The following PRIMPOL variants were observed in gnomAD, a reference collection of about 807,000 sequenced individuals.
The protein encoded by PRIMPOL is DNA-directed primase/polymerase protein.
Under a neutral mutation model 63.6 loss-of-function variants are expected in PRIMPOL, and 54 were observed. That is an observed-to-expected ratio of 0.85 (90% CI 0.68 to 1.07). The LOEUF is 1.07. Among genes scored for constraint, PRIMPOL ranks in the 50% least tolerant of loss-of-function variants. The pLI is 0.00. For missense variants in PRIMPOL, 610 were observed against 648.3 expected, an observed-to-expected ratio of 0.94 and a Z score of 0.64; for synonymous variants, 197 against 220.2, an observed-to-expected ratio of 0.89 and a Z score of 0.93.
intron 4 of PRIMPOL, among the ~76,000 whole-genome samples, chr4:184,659,993 A>T (rs1424548736): frequency 6.9e-6 from 1 of 144,786 alleles, no homozygotes; most frequent in Non-Finnish European, 1.5e-5. Flanking sequence ...GCTCATTTTT[A>T]TGTTTTTAGT....
At chr4:184,688,720 T>G (rs1322725288) in intron 11 of PRIMPOL, among the ~76,000 whole-genome samples, 1 of 152,230 alleles carries the variant, frequency 6.6e-6, no homozygotes, top group Non-Finnish European at 1.5e-5. Flanking sequence ...CATAATGCAT[T>G]GATTCTAGAC....
rs775082409 is a variant in PRIMPOL, at chr4:184,672,196, C to T, written c.580C>T (p.Gln194Ter). The T allele has an allele frequency of 1.2e-6, 2 of 1,602,506 alleles. No individual in the cohort carries two copies. The highest frequency in any genetic ancestry group is 1.4e-5 in the African/African-American group (1 of 74,034). The change falls in exon 7 of 14, where the codon CAG (glutamine) becomes TAG (stop). Residue 194 changes from glutamine to a stop codon, truncating the protein, a stop_gained. Transcript: ENST00000314970. LOFTEE classifies it high-confidence loss of function. ...AGGTAATTTTTTGAGAAAAATTTTG[C>T]AGCCTGCTCTTGACTTGCTTGGCAG... ...HVGNFLRKIL[Q>*]PALDLLGSED...
At chr4:184,675,842 A>C (rs925150578) in intron 7 of PRIMPOL, among the ~76,000 whole-genome samples, 7 of 152,068 alleles carry the variant, frequency 4.6e-5, no homozygotes, top group Non-Finnish European at 1.0e-4. Context: ...AACAAACAAA[A>C]AAACTCACAT....
intron 2 of PRIMPOL, among the ~76,000 whole-genome samples, chr4:184,653,892 C>T (rs942504359): frequency 2.6e-5 from 4 of 152,210 alleles, no homozygotes; most frequent in Admixed American, 2.6e-4. Context: ...TTCTCCATTT[C>T]CTTTGCTTTT....
chr4:184,654,806 T>A (rs992875554), intron 2 of PRIMPOL, among the ~76,000 whole-genome samples: 1 of 152,138 alleles, frequency 6.6e-6, no homozygotes, highest in Non-Finnish European at 1.5e-5. Context: ...ATTGATATTT[T>A]CCCTAAGCAT....
intron 6 of PRIMPOL, among the ~76,000 whole-genome samples, chr4:184,670,711 C>T (rs772183652): frequency 6.6e-6 from 1 of 152,128 alleles, no homozygotes; most frequent in Non-Finnish European, 1.5e-5. Flanking sequence ...CCACACCTGG[C>T]TAATTTTTGT....
At chr4:184,671,190 C>T (rs947759271) in intron 6 of PRIMPOL, among the ~76,000 whole-genome samples, 7 of 152,112 alleles carry the variant, frequency 4.6e-5, no homozygotes, top group Non-Finnish European at 1.0e-4. Flanking sequence ...GTAAATGTAT[C>T]GAATTGCTTT....
At chr4:184,665,080 T>C (rs1439184487) in intron 5 of PRIMPOL, among the ~76,000 whole-genome samples, 6 of 152,204 alleles carry the variant, frequency 3.9e-5, no homozygotes, top group Non-Finnish European at 7.3e-5. Flanking sequence ...CAAGATAATA[T>C]TGCATGGTAG....
rs1341946694 is a variant in PRIMPOL at position 184,657,093 on chromosome 4, A to G, written c.-48A>G. On this transcript the variant is annotated 5_prime_UTR_variant, in exon 3 of 14. The change creates a new upstream start codon in the 5' untranslated region. Transcript: ENST00000314970. ...GTTGTTTGTTTTAGTAGTAATTGAT[A>G]GAAATATTACGTGGGATAGGATTTA... is the stretch of plus-strand genomic sequence containing the variant. 1.5e-6 allele frequency: 2 copies of G among 1,338,376 alleles called. No homozygotes were observed. Among genetic ancestry groups the G allele is most frequent in the South Asian group, 1.8e-5 (1 of 55,876 alleles). 82.9% of individuals were successfully genotyped at this position (1,338,376 alleles called of 1,614,324 possible). A position where few individuals can be genotyped will look rare whatever the true frequency, so the allele number is the denominator to read the frequency against.
intron 2 of PRIMPOL, among the ~76,000 whole-genome samples, chr4:184,654,743 C>T (rs569889808): frequency 4.6e-5 from 7 of 152,174 alleles, no homozygotes; most frequent in South Asian, 2.1e-4. Flanking sequence ...TGAGCCACCG[C>T]GCCCGGCTGA....
At chr4:184,675,810 CAG>C (rs2150108514) in intron 7 of PRIMPOL, among the ~76,000 whole-genome samples, 1 of 152,226 alleles carries the variant, frequency 6.6e-6, no homozygotes, top group Admixed American at 6.5e-5. Flanking sequence ...GAGTAAGACT[CAG>C]TATCAAAAAC....
intron 11 of PRIMPOL, among the ~76,000 whole-genome samples, chr4:184,689,699 CCA>C (rs1757981459): frequency 6.6e-6 from 1 of 151,958 alleles, no homozygotes; most frequent in African/African-American, 2.4e-5. Flanking sequence ...TGTGATCCAC[CCA>C]CCTCGGCCTC....
chr4:184,690,505 G>T (rs1758226484), intron 11 of PRIMPOL, among the ~76,000 whole-genome samples: 1 of 152,002 alleles, frequency 6.6e-6, no homozygotes, highest in South Asian at 2.1e-4. Context: ...TGTCACCCGG[G>T]CTGGAGAGCA....
At position 184,685,457 on chromosome 4, in the gene PRIMPOL, A is replaced by AT; in HGVS notation, c.1149dup (p.Val384CysfsTer7). 2 of 1,613,332 alleles carry AT rather than the reference A, an allele frequency of 1.2e-6. No individual in the cohort carries two copies. The highest frequency in any genetic ancestry group is 1.7e-6 in the Non-Finnish European group (2 of 1,179,334). On this transcript the variant is annotated frameshift_variant, in exon 10 of 14. Transcript: ENST00000314970. LOFTEE classifies it high-confidence loss of function. ...TGTTCTCCCTATCCTGAAGTTGATCATTTTGTTCTTTCTTTGGTGAATAAA... is the reference window on the plus strand; with the variant it reads ...TGTTCTCCCTATCCTGAAGTTGATCATTTTTGTTCTTTCTTTGGTGAATAAA...
chr4:184,653,377 A>C (rs1365443509), intron 2 of PRIMPOL, among the ~76,000 whole-genome samples: 2 of 152,202 alleles, frequency 1.3e-5, no homozygotes, highest in Non-Finnish European at 1.5e-5. Flanking sequence ...CTCGAAAAGA[A>C]CTAACATAGC....
At chr4:184,682,892 A>C (rs1756019627) in intron 9 of PRIMPOL, among the ~76,000 whole-genome samples, 1 of 151,834 alleles carries the variant, frequency 6.6e-6, no homozygotes, top group African/African-American at 2.4e-5. Context: ...TCTACAAAAA[A>C]TCCAAAAATT....
Position 184,661,897 on chromosome 4 carries a change from C to A in PRIMPOL, c.402C>A (p.Leu134=). The A allele has an allele frequency of 6.2e-7, 1 of 1,610,090 alleles. No individual in the cohort carries two copies. Among genetic ancestry groups the A allele is most frequent in the South Asian group, 1.1e-5 (1 of 90,362 alleles). Residue 134 remains leucine (L), a synonymous_variant, in exon 5 of 14, where the codon CTC becomes CTA. Coordinates refer to ENST00000314970, the MANE Select transcript of PRIMPOL (RefSeq NM_152683.4). ...ATGGGAAAAAGATGGTTGCATTACT[C>A]ATTGAGGTAAATGGCCAACTCAAGT... ...GADGKKMVAL[L]IEYVCKALQE...
chr4:184,685,681 TAATG>T lies in PRIMPOL; in HGVS notation c.1293_1295+1del. The T allele has an allele frequency of 1.1e-5, 14 of 1,328,324 alleles. No individual in the cohort carries two copies. The highest frequency in any genetic ancestry group is 1.4e-5 in the Non-Finnish European group (13 of 932,928). 82.3% of individuals were successfully genotyped at this position (1,328,324 alleles called of 1,614,324 possible). A position where few individuals can be genotyped will look rare whatever the true frequency, so the allele number is the denominator to read the frequency against. On this transcript the variant is annotated splice_donor_variant and coding_sequence_variant, in exon 11 of 14. Transcript: ENST00000314970. LOFTEE classifies it high-confidence loss of function. Reference sequence around the variant, plus strand: ...GGAAGAGCCCATAAGAGTAATAATATAATGTAAGTAATATTAATGATTTGTGTGT... The same window carrying T: ...GGAAGAGCCCATAAGAGTAATAATATTAAGTAATATTAATGATTTGTGTGT...
intron 7 of PRIMPOL, among the ~76,000 whole-genome samples, chr4:184,674,883 T>G (rs1309780443): frequency 6.6e-6 from 1 of 152,208 alleles, no homozygotes; most frequent in African/African-American, 2.4e-5. Flanking sequence ...AACCTCAGTC[T>G]ATGTACATGT....
Sources: allele counts gnomAD v4.1 joint callset (sites outside exome capture counted in the v4.1 genomes callset), GRCh38; gene constraint gnomAD v4.1.1; transcripts MANE v1.5; gene names NCBI Gene and HGNC (gene_info 2026-07-23, HGNC 2026-07-21).